Variants in MAP4K4 observed in about 807,000 individuals in gnomAD.
MAP4K4 encodes HPK/GCK-like kinase HGK.
In MAP4K4, 38 loss-of-function variants were observed where a neutral mutation model predicts 189.6. The observed-to-expected ratio is 0.20, with a 90% CI of 0.15 to 0.26. The LOEUF (loss-of-function observed/expected upper bound fraction) is 0.26, where lower values mean the gene tolerates loss of function less well. MAP4K4 is among the 10% of genes least tolerant of loss of function. The pLI, the probability that MAP4K4 is intolerant of heterozygous loss-of-function variation, is 1.00. For synonymous variants in MAP4K4, 610 were observed against 624.3 expected (o/e 0.98, Z 0.34); for missense variants, 1,054 against 1,726.9 (o/e 0.61, Z 6.91).
intron 2 of MAP4K4, among the ~76,000 whole-genome samples, chr2:101,737,449 ATATATATATATATTTTTT>A (rs1164638105): frequency 1.2e-4 from 4 of 33,496 alleles, no homozygotes; most frequent in African/African-American, 1.8e-4. Flanking sequence ...ATATATATAT[ATATATATATATATTTTTT>A]TTTTTTTTTT....
chr2:101,750,620 C>T (rs1039448353), intron 2 of MAP4K4, among the ~76,000 whole-genome samples: 3 of 151,284 alleles, frequency 2.0e-5, no homozygotes, highest in African/African-American at 7.3e-5. Flanking sequence ...TGTAACTAAC[C>T]TGCACAATGT....
intron 26 of MAP4K4, among the ~76,000 whole-genome samples, chr2:101,876,068 G>T (rs2098194878): frequency 6.6e-6 from 1 of 152,232 alleles, no homozygotes; most frequent in Admixed American, 6.5e-5. Flanking sequence ...GAGGGACAGA[G>T]AAGGGGTTTT....
At chr2:101,815,572 A>AT (rs1202924505) in intron 3 of MAP4K4, among the ~76,000 whole-genome samples, 1 of 151,898 alleles carries the variant, frequency 6.6e-6, no homozygotes, top group African/African-American at 2.4e-5. Flanking sequence ...ATGCCTGGTA[A>AT]TTTTTAGTTA....
At chr2:101,756,277 A>C (rs1425724573) in intron 2 of MAP4K4, among the ~76,000 whole-genome samples, 1 of 152,078 alleles carries the variant, frequency 6.6e-6, no homozygotes, top group Non-Finnish European at 1.5e-5. Context: ...CATAGGATCC[A>C]AGTGCTGCTG....
intron 27 of MAP4K4, 146 bp downstream of exon 27, chr2:101,877,292 A>C (rs562006719): frequency 6.6e-5 from 55 of 827,590 alleles, no homozygotes; most frequent in Non-Finnish European, 9.8e-5. Flanking sequence ...ATGTGAGCTG[A>C]AGACGTATTC....
chr2:101,840,086 G>T, intron 10 of MAP4K4, 92 bp downstream of exon 10: 1 of 1,257,206 alleles, frequency 8.0e-7, no homozygotes, highest in Non-Finnish European at 1.1e-6. Flanking sequence ...AGCTGTGAGA[G>T]TGCTCACTTG....
chr2:101,865,950 A>G (rs1042582407), intron 18 of MAP4K4, among the ~76,000 whole-genome samples: 1 of 152,200 alleles, frequency 6.6e-6, no homozygotes, highest in Non-Finnish European at 1.5e-5. Flanking sequence ...CAGGAAATCC[A>G]TCCCAGCTCA....
intron 3 of MAP4K4, among the ~76,000 whole-genome samples, chr2:101,812,365 G>A (rs79478653): frequency 0.02 from 3,071 of 152,234 alleles, 114 homozygotes; most frequent in African/African-American, 0.069. Flanking sequence ...TTGACTCTTC[G>A]CAGACGGAGG....
At chr2:101,883,646 T>C (rs1386849097) in intron 28 of MAP4K4, among the ~76,000 whole-genome samples, 1 of 152,234 alleles carries the variant, frequency 6.6e-6, no homozygotes, top group Non-Finnish European at 1.5e-5. Context: ...AGTTTTTCTA[T>C]ATACCTAAAA....
At chr2:101,750,590 A>G (rs1031514358) in intron 2 of MAP4K4, among the ~76,000 whole-genome samples, 2 of 151,508 alleles carry the variant, frequency 1.3e-5, no homozygotes, top group African/African-American at 4.9e-5. Flanking sequence ...CAGCGCACCA[A>G]CATGGAACAT....
rs1200780849 is a variant in MAP4K4, at chr2:101,757,257, CT to C, written c.124-33459del. 4.6e-5 allele frequency among the ~76,000 whole-genome samples: 7 copies of C among 152,172 alleles called. No individual in the cohort carries two copies. In the South Asian group the frequency reaches 1.4e-3, roughly 32 times the overall value. On this transcript the variant is annotated intron_variant, in intron 2 of 32. Coordinates refer to ENST00000324219, the Ensembl canonical transcript of MAP4K4. Reference sequence around the variant, plus strand: ...TTTTTGGAATAATGATATGTTAATACTTTTATGTAATTCTCTGTTAGTAATT... The same window carrying C: ...TTTTTGGAATAATGATATGTTAATACTTTATGTAATTCTCTGTTAGTAATT...
At chr2:101,841,158 C>T (rs1391440612) in intron 10 of MAP4K4, among the ~76,000 whole-genome samples, 1 of 152,140 alleles carries the variant, frequency 6.6e-6, no homozygotes, top group Non-Finnish European at 1.5e-5. Context: ...AACAGCAGAG[C>T]ACCTTCCCTT....
chr2:101,743,645 G>T (rs907180087), intron 2 of MAP4K4, among the ~76,000 whole-genome samples: 3 of 151,962 alleles, frequency 2.0e-5, no homozygotes, highest in Non-Finnish European at 4.4e-5. Flanking sequence ...CCACTCCCAG[G>T]AGCAGATAAC....
At chr2:101,697,905 G>A (rs2035171488) in exon 1 of MAP4K4, 1 of 162,386 alleles carries the variant, frequency 6.2e-6, no homozygotes, top group African/African-American at 2.5e-5. Flanking sequence ...AGAGAGCCCC[G>A]AGCGGCCCGA....
intron 2 of MAP4K4, among the ~76,000 whole-genome samples, chr2:101,713,800 A>G (rs1391127419): frequency 6.6e-6 from 1 of 151,932 alleles, no homozygotes; most frequent in African/African-American, 2.4e-5. Context: ...AGGCTGAGGC[A>G]GGAGAATTGC....
At chr2:101,894,545 ATT>A (rs1559379748) in exon 33 of MAP4K4, 1 of 152,786 alleles carries the variant, frequency 6.5e-6, no homozygotes, top group African/African-American at 2.4e-5. Context: ...ACTGCATTAA[ATT>A]TACTAATTAT....
intron 10 of MAP4K4, among the ~76,000 whole-genome samples, chr2:101,841,751 G>A (rs1483200892): frequency 6.6e-6 from 1 of 152,114 alleles, no homozygotes; most frequent in Non-Finnish European, 1.5e-5. Flanking sequence ...ACAGGCGGGA[G>A]CCACCACACC....
At chr2:101,811,385 A>AAAAAG (rs1559031834) in intron 3 of MAP4K4, among the ~76,000 whole-genome samples, 1 of 140,974 alleles carries the variant, frequency 7.1e-6, no homozygotes, top group Non-Finnish European at 1.5e-5. Flanking sequence ...AAAAAAAAAA[A>AAAAAG]AAAAAAGAAT....
chr2:101,714,626 A>G (rs891313193), intron 2 of MAP4K4, among the ~76,000 whole-genome samples: 1 of 152,230 alleles, frequency 6.6e-6, no homozygotes, highest in African/African-American at 2.4e-5. Context: ...CACTGATACC[A>G]GCCAACTCTA....
Sources: allele counts gnomAD v4.1 joint callset (sites outside exome capture counted in the v4.1 genomes callset), GRCh38; gene constraint gnomAD v4.1.1; transcripts MANE v1.5; gene names NCBI Gene and HGNC (gene_info 2026-07-23, HGNC 2026-07-21).